Variants in FAM133B observed in about 807,000 individuals in gnomAD.
The protein encoded by FAM133B is protein FAM133B.
A neutral mutation model predicts 46.4 loss-of-function variants in FAM133B; 25 were observed. The observed-to-expected ratio is 0.54, with a 90% CI of 0.39 to 0.75. The LOEUF is 0.75. Among genes scored for constraint, FAM133B ranks in the 30% least tolerant of loss-of-function variants. The pLI, the probability that FAM133B is intolerant of heterozygous loss-of-function variation, is 0.00. For synonymous variants in FAM133B, 75 were observed against 86.0 expected (o/e 0.87, Z 0.71); for missense variants, 205 against 277.6 (o/e 0.74, Z 1.86).
At chr7:92,582,041 G>T (rs1419181249) in intron 1 of FAM133B, among the ~76,000 whole-genome samples, 1 of 152,120 alleles carries the variant, frequency 6.6e-6, no homozygotes, top group Non-Finnish European at 1.5e-5. Flanking sequence ...CTGAAGTCAG[G>T]AATTCAAGAC....
chr7:92,584,719 G>A (rs1214991568), intron 1 of FAM133B, among the ~76,000 whole-genome samples: 4 of 152,190 alleles, frequency 2.6e-5, no homozygotes, highest in Non-Finnish European at 5.9e-5. Flanking sequence ...CGATTAGTTG[G>A]TGTGGAAGTA....
rs1364085780 is a variant in FAM133B at position 92,560,791 on chromosome 7, T to C, written c.*1491A>G. ...CAAAGGGAGCTGATAAGAACACAGC[T>C]ATTTTTAAGTAAAATAGCTATTTAT... is the stretch of plus-strand genomic sequence containing the variant. On this transcript the variant is annotated 3_prime_UTR_variant, in exon 11 of 11. Transcript: ENST00000445716. 1 of 152,312 alleles carries C rather than the reference T, an allele frequency of 6.6e-6. No homozygotes were observed. Among genetic ancestry groups the C allele is most frequent in the East Asian group, 1.9e-4 (1 of 5,198 alleles). 9.4% of individuals were successfully genotyped at this position (152,312 alleles called of 1,614,324 possible). A position where few individuals can be genotyped will look rare whatever the true frequency, so the allele number is the denominator to read the frequency against.
At chr7:92,574,029 T>A (rs992884043) in intron 8 of FAM133B, among the ~76,000 whole-genome samples, 5 of 152,128 alleles carry the variant, frequency 3.3e-5, no homozygotes, top group African/African-American at 1.2e-4. Context: ...TTAAAAAAAA[T>A]TTAAAATTAA....
At chr7:92,563,138 G>A (rs772390360) in intron 10 of FAM133B, among the ~76,000 whole-genome samples, 20 of 152,096 alleles carry the variant, frequency 1.3e-4, no homozygotes, top group Non-Finnish European at 2.5e-4. Context: ...TGATATTCAA[G>A]AGAAGAAAAT....
At chr7:92,584,047 CAAAAAAAAAAA>C (rs765172200) in intron 1 of FAM133B, among the ~76,000 whole-genome samples, 2 of 36,812 alleles carry the variant, frequency 5.4e-5, no homozygotes, top group African/African-American at 1.9e-4. Flanking sequence ...AAGACTGTCT[CAAAAAAAAAAA>C]AAAAAAAAAA....
At chr7:92,579,416 A>C (rs1445567933) in intron 2 of FAM133B, 21 bp from the exon 3 acceptor site, 1 of 1,555,528 alleles carries the variant, frequency 6.4e-7, no homozygotes, top group Non-Finnish European at 8.7e-7. Context: ...AGAATGTACA[A>C]ACAAAATTTC....
Position 92,560,770 on chromosome 7 carries a change from G to C in FAM133B, c.*1512C>G, listed in dbSNP as rs1011145713. On this transcript the variant is annotated 3_prime_UTR_variant, in exon 11 of 11. Transcript: ENST00000445716. Reference sequence around the variant, plus strand: ...TTTGTAAGTTTACTTGCAGTCCAAAGGGAGCTGATAAGAACACAGCTATTT... The same window carrying C: ...TTTGTAAGTTTACTTGCAGTCCAAACGGAGCTGATAAGAACACAGCTATTT... 1 of 152,134 alleles carries C rather than the reference G, an allele frequency of 6.6e-6. No individual in the cohort carries two copies. Among genetic ancestry groups the C allele is most frequent in the Non-Finnish European group, 1.5e-5 (1 of 68,014 alleles). The allele number at this position is 152,134 out of a possible 1,614,324, so 9.4% of individuals were successfully genotyped here. A position where few individuals can be genotyped will look rare whatever the true frequency, so the allele number is the denominator to read the frequency against.
chr7:92,569,981 A>G, intron 8 of FAM133B, 66 bp from the exon 9 acceptor site: 2 of 673,828 alleles, frequency 3.0e-6, no homozygotes, highest in South Asian at 5.1e-5. Context: ...TATGTTTCTA[A>G]GTTCTATTTA....
chr7:92,586,360 T>A (rs1795037645), intron 1 of FAM133B, among the ~76,000 whole-genome samples: 1 of 152,262 alleles, frequency 6.6e-6, no homozygotes, highest in South Asian at 2.1e-4. Flanking sequence ...AATACTTTTC[T>A]TTAAAACTAT....
At chr7:92,577,300 T>C in intron 6 of FAM133B, 105 bp from the exon 7 acceptor site, 1 of 707,852 alleles carries the variant, frequency 1.4e-6, no homozygotes, top group Non-Finnish European at 2.1e-6. Flanking sequence ...CACAAAAGGA[T>C]CAGTTTCTAT....
chr7:92,563,828 T>C (rs931608717), intron 10 of FAM133B, among the ~76,000 whole-genome samples: 4 of 152,188 alleles, frequency 2.6e-5, no homozygotes, highest in African/African-American at 9.7e-5. Flanking sequence ...AATGTCCGCA[T>C]TCAAAGTACC....
chr7:92,565,565 G>A (rs529769030), intron 10 of FAM133B: 3 of 160,396 alleles, frequency 1.9e-5, no homozygotes, highest in Admixed American at 1.2e-4. Context: ...CCGGGTTCAC[G>A]CCATTCTCCT....
intron 9 of FAM133B, 109 bp from the exon 10 acceptor site, chr7:92,566,170 AC>A: frequency 1.0e-6 from 1 of 977,996 alleles, no homozygotes; most frequent in Non-Finnish European, 1.5e-6. Flanking sequence ...AATGTAAAAA[AC>A]ATTTTGACAA....
Position 92,577,677 on chromosome 7 carries a change from C to A in FAM133B, c.350G>T (p.Ser117Ile). ...TACCTCATCTTCAGAATCAGAAGAA[C>A]TGCTGGAAGAATCAGAGCTTGATGA... is the stretch of plus-strand genomic sequence containing the variant. The part of the protein sequence containing the change: ...SSSSSSDSSS[S>I]SSDSEDEDKK... Residue 117 changes from serine (S) to isoleucine (I), a missense_variant, in exon 6 of 11, where the codon AGT becomes ATT. Ser to Ile is a moderately radical substitution (Grantham distance 142). Coordinates refer to ENST00000445716, the MANE Select transcript of FAM133B (RefSeq NM_152789.4). The A allele has an allele frequency of 6.3e-7, 1 of 1,584,602 alleles. No individual in the cohort carries two copies. Among genetic ancestry groups the A allele is most frequent in the Non-Finnish European group, 8.6e-7 (1 of 1,164,220 alleles).
chr7:92,565,936 C>T (rs1256745820), intron 10 of FAM133B, 78 bp downstream of exon 10: 1 of 1,460,078 alleles, frequency 6.8e-7, no homozygotes, highest in Non-Finnish European at 9.5e-7. Context: ...TAAATCCAAT[C>T]AAGCTTTACC....
chr7:92,589,200 G>A (rs752856718), intron 1 of FAM133B, among the ~76,000 whole-genome samples: 5 of 152,182 alleles, frequency 3.3e-5, no homozygotes, highest in Non-Finnish European at 7.3e-5. Context: ...TCACAGGCAA[G>A]CCCAGAAATT....
chr7:92,562,679 C>A (rs528601764), intron 10 of FAM133B, among the ~76,000 whole-genome samples: 1 of 152,204 alleles, frequency 6.6e-6, no homozygotes, highest in East Asian at 1.9e-4. Context: ...TGCTATATAA[C>A]TTCTAAAGGT....
intron 8 of FAM133B, 77 bp downstream of exon 8, chr7:92,575,694 G>T: frequency 1.5e-6 from 1 of 680,568 alleles, no homozygotes; most frequent in South Asian, 2.2e-5. Context: ...CTTAAAAAGA[G>T]ATACACATTA....
At chr7:92,584,604 T>A (rs959636975) in intron 1 of FAM133B, among the ~76,000 whole-genome samples, 3 of 152,188 alleles carry the variant, frequency 2.0e-5, no homozygotes, top group Non-Finnish European at 4.4e-5. Flanking sequence ...CAGGGCAAGA[T>A]GTGGACATCA....
Sources: gnomAD v4.1 joint callset for allele counts (sites outside exome capture counted in the v4.1 genomes callset) on GRCh38, gnomAD v4.1.1 for gene constraint, MANE v1.5 for transcripts, NCBI Gene and HGNC (gene_info 2026-07-23, HGNC 2026-07-21) for gene names.